Variants in ADGRE3 observed in about 807,000 individuals in gnomAD.
ADGRE3 encodes the protein adhesion G protein-coupled receptor E3.
ADGRE3 carries 88 observed loss-of-function variants against 80.1 expected under a neutral mutation model. The ratio of observed to expected loss-of-function variants is 1.10; its 90% CI spans 0.93 to 1.31. ADGRE3 has a LOEUF of 1.31. Ranked by LOEUF, ADGRE3 falls within the 40% of genes most tolerant of loss-of-function variation. The probability of loss-of-function intolerance (pLI) is 0.00; values close to 1 mark genes in which losing one functional copy is unlikely to be tolerated. For synonymous variants in ADGRE3, 281 were observed against 294.8 expected, an observed-to-expected ratio of 0.95 and a Z score of 0.48; for missense variants, 715 against 776.5, an observed-to-expected ratio of 0.92 and a Z score of 0.94.
chr19:14,651,279 G>A, intron 6 of ADGRE3, 75 bp from the exon 7 acceptor site: 7 of 1,517,624 alleles, frequency 4.6e-6, no homozygotes, highest in Non-Finnish European at 6.4e-6. Flanking sequence ...ACAGGACATG[G>A]TGGTGCATGC....
chr19:14,670,359 C>G (rs1376249228), intron 1 of ADGRE3, among the ~76,000 whole-genome samples: 1 of 152,198 alleles, frequency 6.6e-6, no homozygotes, highest in African/African-American at 2.4e-5. Flanking sequence ...CCTCTTGACA[C>G]TCATCCCTGA....
In ADGRE3 at chr19:14,619,472, C is replaced by A. The variant is rs376178290; in HGVS notation, c.1921-1G>T. 47 of 1,593,254 alleles carry A rather than the reference C, an allele frequency of 2.9e-5. No individual in the cohort carries two copies. The highest frequency in any genetic ancestry group is 4.0e-5 in the Non-Finnish European group (46 of 1,161,938). On this transcript the variant is annotated splice_acceptor_variant, in intron 15 of 15. Coordinates refer to ENST00000253673, the MANE Select transcript of ADGRE3 (RefSeq NM_032571.5). LOFTEE classifies it high-confidence loss of function. ...TCACTTGTCCTGGAAAAACATCCCC[C>A]TATAAAAGAGGTTTAGATTAAAGGT...
At chr19:14,670,493 C>T (rs1408473190) in intron 1 of ADGRE3, among the ~76,000 whole-genome samples, 1 of 152,162 alleles carries the variant, frequency 6.6e-6, no homozygotes, top group East Asian at 1.9e-4. Flanking sequence ...GTTCTAGAAA[C>T]ACATTTTTGA....
At chr19:14,600,274 G>A in the ADGRE3 span, 1 of 1,456,210 alleles carries the variant, frequency 6.9e-7, no homozygotes, top group East Asian at 2.3e-5. Flanking sequence ...TGGATGGCAA[G>A]AAATTAGAAT....
the ADGRE3 span, among the ~76,000 whole-genome samples, chr19:14,608,551 G>A: frequency 4.6e-5 from 7 of 151,546 alleles, no homozygotes; most frequent in Non-Finnish European, 8.8e-5. Context: ...CAGTCTTTTC[G>A]TAAAACTGCT....
the ADGRE3 span, among the ~76,000 whole-genome samples, chr19:14,604,837 A>G: frequency 6.6e-6 from 1 of 152,294 alleles, no homozygotes; most frequent in South Asian, 2.1e-4. Flanking sequence ...AAATAAATAA[A>G]AGCAAACATC....
rs1028813038 is a variant in ADGRE3 at position 14,644,369 on chromosome 19, G to A, written c.883-94C>T. On this transcript the variant is annotated intron_variant, in intron 8 of 15. Coordinates refer to ENST00000253673, the MANE Select transcript of ADGRE3 (RefSeq NM_032571.5). ...AAAATCTTGCTTTGTTACTCAGGCT[G>A]GAGTGCAGTGGCTCAATCTCGGCTC... 3.9e-5 allele frequency: 35 copies of A among 896,576 alleles called. No homozygotes were observed. In the African/African-American group the frequency reaches 5.9e-4, roughly 15 times the overall value. The allele number at this position is 896,576 out of a possible 1,614,324, so 55.5% of individuals were successfully genotyped here.
chr19:14,658,579 A>G (rs367805328), intron 4 of ADGRE3, 29 bp from the exon 5 acceptor site: 6 of 1,529,600 alleles, frequency 3.9e-6, no homozygotes, highest in African/African-American at 1.4e-5. Context: ...TGGAGTTACT[A>G]TTGGAACTGA....
intron 7 of ADGRE3, among the ~76,000 whole-genome samples, chr19:14,650,562 C>T (rs1014564596): frequency 6.6e-6 from 1 of 151,836 alleles, no homozygotes; most frequent in African/African-American, 2.4e-5. Flanking sequence ...CTCTCCATCT[C>T]TCTTTACCCA....
chr19:14,639,919 T>G (rs1418756670), intron 10 of ADGRE3, among the ~76,000 whole-genome samples: 1 of 152,132 alleles, frequency 6.6e-6, no homozygotes, highest in African/African-American at 2.4e-5. Context: ...GTACAATAGC[T>G]CTCTTGTATT....
intron 11 of ADGRE3, among the ~76,000 whole-genome samples, chr19:14,636,098 C>CTTTCTT (rs1599616515): frequency 1.2e-4 from 5 of 42,992 alleles, no homozygotes; most frequent in East Asian, 5.7e-4. Context: ...TTCTTTCTTT[C>CTTTCTT]TTTCTTTCTT....
At chr19:14,606,694 A>T in the ADGRE3 span, among the ~76,000 whole-genome samples, 1 of 152,070 alleles carries the variant, frequency 6.6e-6, no homozygotes, top group East Asian at 1.9e-4. Flanking sequence ...AAAAAAAAAA[A>T]AAAGTTAATC....
chr19:14,670,871 C>T (rs1018339576), intron 1 of ADGRE3, among the ~76,000 whole-genome samples: 22 of 152,216 alleles, frequency 1.4e-4, no homozygotes, highest in Non-Finnish European at 1.0e-4. Flanking sequence ...ATAGCCTCTC[C>T]TTCAGAAATC....
downstream of ADGRE3, among the ~76,000 whole-genome samples, chr19:14,616,976 G>A (rs950357878): frequency 3.3e-5 from 5 of 151,724 alleles, no homozygotes. Context: ...CGTATTTTTA[G>A]TAGAGAGGGT....
chr19:14,615,518 T>C (rs2075070272), downstream of ADGRE3, among the ~76,000 whole-genome samples: 1 of 151,936 alleles, frequency 6.6e-6, no homozygotes, highest in South Asian at 2.1e-4. Flanking sequence ...CCCAGCACTT[T>C]GGGAGGCCGA....
At chr19:14,633,064 G>A (rs751500719) in intron 12 of ADGRE3, 52 bp from the exon 13 acceptor site, 2 of 1,453,070 alleles carry the variant, frequency 1.4e-6, no homozygotes, top group African/African-American at 1.4e-5. Flanking sequence ...AATGTATGGT[G>A]TCCACTTTAA....
At chr19:14,611,870 G>A in the ADGRE3 span, among the ~76,000 whole-genome samples, 1 of 152,068 alleles carries the variant, frequency 6.6e-6, no homozygotes, top group South Asian at 2.1e-4. Flanking sequence ...TGGGCGTGGT[G>A]GCATGTGCCT....
chr19:14,623,285 TAAA>T lies in ADGRE3; in HGVS notation c.1920+2204_1920+2206del, dbSNP rs200178108. Among the ~76,000 whole-genome samples the T allele has an allele frequency of 2.5e-4, 12 of 47,364 alleles. 2 individuals carry two copies. The highest frequency in any genetic ancestry group is 6.1e-4 in the South Asian group (1 of 1,650). The allele number at this position is 47,364 out of a possible 152,430, so 31.1% of individuals were successfully genotyped here. ...ATTTATTAAATATGCCTAAAATACT[TAAA>T]AAAAAAAAAATAAAAAAAAAAAAAA... On this transcript the variant is annotated intron_variant, in intron 15 of 15. Transcript: ENST00000253673.
chr19:14,615,684 C>G (rs2075071156), downstream of ADGRE3, among the ~76,000 whole-genome samples: 2 of 150,968 alleles, frequency 1.3e-5, no homozygotes, highest in South Asian at 4.2e-4. Context: ...TTTGCTTGAA[C>G]CCGGGAGGCG....
Sources: allele counts gnomAD v4.1 joint callset (sites outside exome capture counted in the v4.1 genomes callset), GRCh38; gene constraint gnomAD v4.1.1; transcripts MANE v1.5; gene names NCBI Gene and HGNC (gene_info 2026-07-23, HGNC 2026-07-21).